DNM1: variants seen among roughly 807,000 people sequenced by gnomAD.
The protein encoded by DNM1 is dynamin-1.
Under a neutral mutation model 104.6 loss-of-function variants are expected in DNM1, and 29 were observed. The observed-to-expected ratio is 0.28, with a 90% CI of 0.21 to 0.38. DNM1 has a LOEUF of 0.38. Ranked by LOEUF, DNM1 falls within the 10% of genes least tolerant of loss-of-function variation. The probability of loss-of-function intolerance (pLI) is 1.00; values close to 1 mark genes in which losing one functional copy is unlikely to be tolerated. For synonymous variants in DNM1, 445 were observed against 475.8 expected, an observed-to-expected ratio of 0.94 and a Z score of 0.84; for missense variants, 640 against 1,189.4, an observed-to-expected ratio of 0.54 and a Z score of 6.79.
chr9:128,227,422 C>T (rs1835416114), intron 10 of DNM1, among the ~76,000 whole-genome samples: 1 of 116,952 alleles, frequency 8.6e-6, no homozygotes, highest in Non-Finnish European at 1.6e-5. Flanking sequence ...CACTCTGTTG[C>T]CTAGGCTGGA....
At position 128,224,030 on chromosome 9, in the gene DNM1, C is replaced by T; in HGVS notation, c.1197-221C>T. ...CGCCACTGCACTCCAGCCTGGGCGA[C>T]AGAGCAAGACTCCGTCTCAAAAAAA... On this transcript the variant is annotated intron_variant, in intron 9 of 21. Transcript: ENST00000372923. This position sits in a 1 kb window ranked among gnomAD's most constrained non-coding sequence, Gnocchi z 4.3. 1 of 459,508 alleles carries T rather than the reference C, an allele frequency of 2.2e-6. No individual in the cohort carries two copies. The highest frequency in any genetic ancestry group is 3.7e-6 in the Non-Finnish European group (1 of 272,828). 28.5% of individuals were successfully genotyped at this position (459,508 alleles called of 1,614,324 possible).
chr9:128,238,085 T>G (rs1299425444), intron 11 of DNM1, among the ~76,000 whole-genome samples: 1 of 152,182 alleles, frequency 6.6e-6, no homozygotes, highest in Non-Finnish European at 1.5e-5. Flanking sequence ...CTGTGCATTT[T>G]AATGTTGTTA....
chr9:128,212,044 C>G (rs537575270), intron 1 of DNM1, among the ~76,000 whole-genome samples: 1 of 152,330 alleles, frequency 6.6e-6, no homozygotes, highest in South Asian at 2.1e-4. Context: ...GCACCCTCAC[C>G]CCCAACCTGG....
intron 1 of DNM1, among the ~76,000 whole-genome samples, chr9:128,212,774 A>G (rs1396100808): frequency 6.6e-6 from 1 of 152,128 alleles, no homozygotes; most frequent in Non-Finnish European, 1.5e-5. Flanking sequence ...AGCTTTACTG[A>G]GGTATAATTT....
At chr9:128,216,475 T>C (rs1161112653) in intron 1 of DNM1, among the ~76,000 whole-genome samples, 3 of 152,220 alleles carry the variant, frequency 2.0e-5, no homozygotes, top group Non-Finnish European at 4.4e-5. Flanking sequence ...CTAAGCCCTG[T>C]CCTGGGCACT....
intron 6 of DNM1, among the ~76,000 whole-genome samples, chr9:128,221,729 T>G (rs1034141717): frequency 5.9e-5 from 9 of 151,968 alleles, no homozygotes; most frequent in Non-Finnish European, 1.2e-4. Flanking sequence ...AAACCTGTAC[T>G]AAAAATACAA....
rs562259218 is a variant in DNM1 at position 128,225,432 on chromosome 9, C to T, written c.1335+1043C>T. 7.9e-5 allele frequency among the ~76,000 whole-genome samples: 12 copies of T among 152,278 alleles called. No homozygotes were observed. The South Asian group carries it at 2.3e-3, about 29-fold the overall frequency. ...ACCCTAGGAGGCAGCCTCTGCGCCACGGTTTACGGGAATGGACCCCCCTGG... is the reference window on the plus strand; with the variant it reads ...ACCCTAGGAGGCAGCCTCTGCGCCATGGTTTACGGGAATGGACCCCCCTGG... On this transcript the variant is annotated intron_variant, in intron 10 of 21. Transcript: ENST00000372923.
Position 128,253,165 on chromosome 9 carries a change from A to G in DNM1, c.2535-1489A>G, listed in dbSNP as rs1422353731. 2 of 1,599,300 alleles carry G rather than the reference A, an allele frequency of 1.3e-6. No homozygotes were observed. Among genetic ancestry groups the G allele is most frequent in the African/African-American group, 2.7e-5 (2 of 74,842 alleles). The stretch of plus-strand genomic sequence containing the variant: ...AGGTACATGCCTCACCGCCTGCTGC[A>G]TGAACGGTGTGTCTGCCCCGCTGCA... On this transcript the variant is annotated intron_variant, in intron 21 of 21. Transcript: ENST00000372923. This position sits in a 1 kb window ranked among gnomAD's most constrained non-coding sequence, Gnocchi z 5.9.
In DNM1 at chr9:128,248,152, C is replaced by T. The variant is rs199733772; in HGVS notation, c.1905+217C>T. 13 of 606,520 alleles carry T rather than the reference C, an allele frequency of 2.1e-5. No individual in the cohort carries two copies. The East Asian group carries it at 2.9e-4, about 14-fold the overall frequency. The allele number at this position is 606,520 out of a possible 1,614,324, so 37.6% of individuals were successfully genotyped here. A position where few individuals can be genotyped will look rare whatever the true frequency, so the allele number is the denominator to read the frequency against. On this transcript the variant is annotated intron_variant, in intron 18 of 21. Transcript: ENST00000372923. This position sits in a 1 kb window ranked among gnomAD's most constrained non-coding sequence, Gnocchi z 5.6. Reference sequence around the variant, plus strand: ...GACCAGCCTGGCCAACACGGTGAAACCCCACCTCTACTAAAAATACAAAAA... The same window carrying T: ...GACCAGCCTGGCCAACACGGTGAAATCCCACCTCTACTAAAAATACAAAAA...
In DNM1 at chr9:128,248,497, A is replaced by G. The variant is rs892598186; in HGVS notation, c.1906-86A>G. The G allele has an allele frequency of 1.0e-5, 15 of 1,499,246 alleles. No individual in the cohort carries two copies. In the Admixed American group the frequency reaches 1.1e-4, roughly 11 times the overall value. 92.9% of individuals were successfully genotyped at this position (1,499,246 alleles called of 1,614,324 possible). A position where few individuals can be genotyped will look rare whatever the true frequency, so the allele number is the denominator to read the frequency against. ...CTCTCTGTGCCTCAATATTCTGGGT[A>G]CCCTTGGAGGGGCTGAGATCCTGGG... On this transcript the variant is annotated intron_variant, in intron 18 of 21. Transcript: ENST00000372923. This position sits in a 1 kb window ranked among gnomAD's most constrained non-coding sequence, Gnocchi z 5.6.
intron 1 of DNM1, among the ~76,000 whole-genome samples, chr9:128,216,387 A>G (rs1360330736): frequency 6.6e-6 from 1 of 152,150 alleles, no homozygotes; most frequent in Non-Finnish European, 1.5e-5. Context: ...TTCCTCTGTA[A>G]AATGATAATC....
Position 128,248,592 on chromosome 9 carries a change from A to T in DNM1, c.1915A>T (p.Thr639Ser), listed in dbSNP as rs558611667. 6.2e-7 allele frequency: 1 copy of T among 1,613,674 alleles called. No homozygotes were observed. The highest frequency in any genetic ancestry group is 8.5e-7 in the Non-Finnish European group (1 of 1,179,684). Residue 639 changes from threonine to serine, a missense_variant, in exon 19 of 22, where the codon ACC (threonine) becomes TCC (serine). This residue lies in a region of DNM1 where 91 missense variants were observed against 256.3 expected (regional missense o/e 0.36). Coordinates refer to ENST00000372923, the MANE Select transcript of DNM1 (RefSeq NM_004408.4). This position sits in a 1 kb window ranked among gnomAD's most constrained non-coding sequence, Gnocchi z 5.6. ...GTGTTCTCCATGGCAGGCCAGCGAG[A>T]CCGAGGAGAATGGCTCCGACAGCTT... The part of the protein sequence containing the change: ...RVGDKEKASE[T>S]EENGSDSFMH...
rs752228958 is a variant in DNM1 at position 128,250,151 on chromosome 9, C to T, written c.2113C>T (p.Leu705=). ...CATCTTCTCGGAGCTGCTGGCCAAC[C>T]TGTACTCGTGTGGGGACCAGAACAC... ...EFIFSELLAN[L]YSCGDQNTLM... The change falls in exon 20 of 22, where the codon CTG becomes TTG. Residue 705 remains leucine, a synonymous_variant. Coordinates refer to ENST00000372923, the MANE Select transcript of DNM1 (RefSeq NM_004408.4). 1.6e-5 allele frequency: 26 copies of T among 1,614,112 alleles called. No individual in the cohort carries two copies. In the Middle Eastern group the frequency reaches 6.6e-4, roughly 41 times the overall value.
chr9:128,224,244 C>G lies in DNM1; in HGVS notation c.1197-7C>G, dbSNP rs41306488. On this transcript the variant is annotated splice_region_variant and splice_polypyrimidine_tract_variant and intron_variant, in intron 9 of 21. Coordinates refer to ENST00000372923, the MANE Select transcript of DNM1 (RefSeq NM_004408.4). The surrounding 1 kb of genome is among the most constrained non-coding windows in gnomAD (Gnocchi z 4.3). ...CACTCTGCCCTTCTCCCGCTCCGGG[C>G]GTTCAGAACGGGGCTGTTTACCCCA... 1 of 1,612,624 alleles carries G rather than the reference C, an allele frequency of 6.2e-7. No individual in the cohort carries two copies. Among genetic ancestry groups the G allele is most frequent in the East Asian group, 2.2e-5 (1 of 44,854 alleles).
Position 128,220,787 on chromosome 9 carries a change from G to T in DNM1, c.849+446G>T, listed in dbSNP as rs1834922228. 6.6e-6 allele frequency among the ~76,000 whole-genome samples: 1 copy of T among 150,650 alleles called. No individual in the cohort carries two copies. The highest frequency in any genetic ancestry group is 2.1e-4 in the South Asian group (1 of 4,724). ...TGTGTGTCTGTCTGACTGTCTGTCT[G>T]TGTAGGCAAGACCTGGTTTCCAATC... is the stretch of plus-strand genomic sequence containing the variant. On this transcript the variant is annotated intron_variant, in intron 6 of 21. Coordinates refer to ENST00000372923, the MANE Select transcript of DNM1 (RefSeq NM_004408.4). The surrounding 1 kb of genome is among the most constrained non-coding windows in gnomAD (Gnocchi z 5.2).
Position 128,218,684 on chromosome 9 carries a change from A to C in DNM1, c.338A>C (p.Lys113Thr). ...ACCGACAGGGTCACCGGCACCAACA[A>C]GGGCATCTCGCCGGTGCCTATCAAC... ...AETDRVTGTNKGISPVPINLR... is the reference protein window; with the variant it reads ...AETDRVTGTNTGISPVPINLR... The change falls in exon 3 of 22, where the codon AAG becomes ACG. Residue 113 changes from lysine to threonine, a missense_variant. This residue lies in a region of DNM1 where 172 missense variants were observed against 335.3 expected (regional missense o/e 0.51). Transcript: ENST00000372923. The surrounding 1 kb of genome is among the most constrained non-coding windows in gnomAD (Gnocchi z 4.8). The C allele has an allele frequency of 6.2e-7, 1 of 1,612,504 alleles. No homozygotes were observed. The highest frequency in any genetic ancestry group is 8.5e-7 in the Non-Finnish European group (1 of 1,178,936).
At chr9:128,251,300 C>T in intron 21 of DNM1, 1 of 427,342 alleles carries the variant, frequency 2.3e-6, no homozygotes, top group South Asian at 1.7e-5. Flanking sequence ...TCCTCCATTC[C>T]GTCCAATTCC....
intron 1 of DNM1, among the ~76,000 whole-genome samples, chr9:128,213,629 C>T (rs560553163): frequency 1.3e-3 from 195 of 152,282 alleles, no homozygotes; most frequent in Middle Eastern, 6.8e-3. Context: ...TACCTTGTCA[C>T]CAACTTGCAC....
chr9:128,230,405 T>C (rs1470019571), intron 10 of DNM1, among the ~76,000 whole-genome samples: 2 of 148,142 alleles, frequency 1.4e-5, no homozygotes, highest in African/African-American at 5.1e-5. Context: ...TTATTTTCTC[T>C]TCACAAATTT....
Sources: gnomAD v4.1 joint callset for allele counts (sites outside exome capture counted in the v4.1 genomes callset) on GRCh38, gnomAD v4.1.1 for gene constraint, gnomAD v4.1.1 regional missense constraint, Gnocchi (gnomAD v3.1) non-coding constraint, MANE v1.5 for transcripts, NCBI Gene and HGNC (gene_info 2026-07-23, HGNC 2026-07-21) for gene names.